Variants in IFT140 observed in about 807,000 individuals in gnomAD.
The protein encoded by IFT140 is intraflagellar transport 140.
A neutral mutation model predicts 164.6 loss-of-function variants in IFT140; 133 were observed. The observed-to-expected ratio is 0.81, with a 90% CI of 0.70 to 0.93. The LOEUF (loss-of-function observed/expected upper bound fraction) is 0.93, where lower values mean the gene tolerates loss of function less well. Among genes scored for constraint, IFT140 ranks in the 40% least tolerant of loss-of-function variants. The pLI, the probability that IFT140 is intolerant of heterozygous loss-of-function variation, is 0.00. For synonymous variants in IFT140, 860 were observed against 817.3 expected (o/e 1.05, Z -0.89); for missense variants, 2,045 against 1,972.3 (o/e 1.04, Z -0.70).
chr16:1,530,238 T>G (rs1052613101), intron 19 of IFT140, among the ~76,000 whole-genome samples: 1 of 150,270 alleles, frequency 6.7e-6, no homozygotes, highest in Admixed American at 6.7e-5. Context: ...TCCCGAGTGA[T>G]TCTCCTGCCT....
intron 18 of IFT140, among the ~76,000 whole-genome samples, chr16:1,558,598 C>T (rs1025342553): frequency 2.0e-5 from 3 of 152,214 alleles, no homozygotes; most frequent in Non-Finnish European, 2.9e-5. Context: ...CTCACCTGGG[C>T]ATCTTCTTAC....
At chr16:1,554,005 G>T (rs1596354617) in intron 19 of IFT140, 1 of 1,287,254 alleles carries the variant, frequency 7.8e-7, no homozygotes, top group South Asian at 1.2e-5. Flanking sequence ...ACCAAGGGTT[G>T]CTCACGGCCC....
intron 19 of IFT140, chr16:1,534,371 C>T (rs757809088): frequency 1.9e-6 from 3 of 1,612,810 alleles, no homozygotes; most frequent in Admixed American, 3.3e-5. Flanking sequence ...ACTGGGTGTG[C>T]CAGACGCTGG....
intron 19 of IFT140, chr16:1,534,534 G>T: frequency 6.2e-7 from 1 of 1,604,964 alleles, no homozygotes; most frequent in Non-Finnish European, 8.5e-7. Flanking sequence ...CGGCTTCCAG[G>T]AGTCCCGAGG....
intron 2 of IFT140, among the ~76,000 whole-genome samples, chr16:1,608,770 C>G (rs1321547434): frequency 1.3e-5 from 2 of 151,970 alleles, no homozygotes; most frequent in Non-Finnish European, 1.5e-5. Context: ...GGCTGGAGAG[C>G]AGTGGTGTGA....
chr16:1,596,795 G>A (rs1446513032), intron 4 of IFT140, among the ~76,000 whole-genome samples: 1 of 152,054 alleles, frequency 6.6e-6, no homozygotes, highest in Non-Finnish European at 1.5e-5. Context: ...CCTCACCCCT[G>A]ACTCTAGCAT....
Position 1,563,985 on chromosome 16 carries a change from G to T in IFT140, c.2067+12C>A. ...AGTGTGTCTAAACTCAAATACAACA[G>T]GCAGAGCGTACCGCAGGGCCAGCGC... On this transcript the variant is annotated intron_variant, in intron 17 of 30. Coordinates refer to ENST00000426508, the MANE Select transcript of IFT140 (RefSeq NM_014714.4). The T allele has an allele frequency of 6.4e-7, 1 of 1,555,852 alleles. No individual in the cohort carries two copies.
chr16:1,560,000 G>C (rs2033316870), intron 18 of IFT140, among the ~76,000 whole-genome samples: 1 of 152,196 alleles, frequency 6.6e-6, no homozygotes, highest in Non-Finnish European at 1.5e-5. Flanking sequence ...GTGTGTGCAA[G>C]ACACAAACGC....
chr16:1,586,826 C>A (rs138457054), intron 9 of IFT140, among the ~76,000 whole-genome samples: 3,450 of 152,204 alleles, frequency 0.023, 139 homozygotes, highest in African/African-American at 0.079. Flanking sequence ...CCCACCTCAG[C>A]CTCCTGAGTA....
intron 29 of IFT140, 66 bp from the exon 30 acceptor site, chr16:1,518,423 A>T: frequency 6.5e-7 from 1 of 1,528,604 alleles, no homozygotes; most frequent in Non-Finnish European, 8.8e-7. Context: ...CAGAGGTCAG[A>T]GGAGACTCTT....
intron 16 of IFT140, among the ~76,000 whole-genome samples, chr16:1,565,494 C>T (rs1258084652): frequency 6.6e-6 from 1 of 151,612 alleles, no homozygotes; most frequent in African/African-American, 2.4e-5. Flanking sequence ...TGATGGTGGT[C>T]AAGTAATGGA....
intron 19 of IFT140, among the ~76,000 whole-genome samples, chr16:1,539,929 A>G (rs2031468313): frequency 6.6e-6 from 1 of 152,150 alleles, no homozygotes; most frequent in African/African-American, 2.4e-5. Context: ...TGGAGGTCTC[A>G]GGGCTGGGGG....
intron 19 of IFT140, among the ~76,000 whole-genome samples, chr16:1,556,905 G>A (rs906427344): frequency 1.3e-5 from 2 of 152,176 alleles, no homozygotes; most frequent in African/African-American, 4.8e-5. Flanking sequence ...CACCTCCCGG[G>A]TTCAAGCAAT....
intron 30 of IFT140, among the ~76,000 whole-genome samples, chr16:1,512,655 A>G (rs867466288): frequency 6.6e-6 from 1 of 151,888 alleles, no homozygotes; most frequent in Middle Eastern, 3.4e-3. Flanking sequence ...AGAAATAGAA[A>G]CCCCGTTGGA....
chr16:1,582,839 G>T (rs530622999), intron 12 of IFT140, among the ~76,000 whole-genome samples: 1 of 152,344 alleles, frequency 6.6e-6, no homozygotes, highest in South Asian at 2.1e-4. Context: ...GGAGGCGGAG[G>T]GTGCAGTGAG....
intron 4 of IFT140, 116 bp from the exon 5 acceptor site, chr16:1,592,704 G>A: frequency 6.8e-7 from 1 of 1,461,374 alleles, no homozygotes; most frequent in Non-Finnish European, 9.2e-7. Context: ...CAGAGCGACT[G>A]GTGGAGGGAC....
rs904550022 is a variant in IFT140, at chr16:1,612,064, C to A, written c.-318G>T. ...CGTTTTCTTCTCACGTATCCGTCAA[C>A]ACTGCTGCGGCCAATCACAGCACGG... is the stretch of plus-strand genomic sequence containing the variant. On this transcript the variant is annotated 5_prime_UTR_variant, in exon 1 of 31. Transcript: ENST00000426508. 1 of 152,282 alleles carries A rather than the reference C, an allele frequency of 6.6e-6. No homozygotes were observed. Among genetic ancestry groups the A allele is most frequent in the Non-Finnish European group, 1.5e-5 (1 of 68,084 alleles). 9.4% of individuals were successfully genotyped at this position (152,282 alleles called of 1,614,324 possible).
chr16:1,529,432 C>T (rs2030197047), intron 19 of IFT140, among the ~76,000 whole-genome samples: 1 of 152,240 alleles, frequency 6.6e-6, no homozygotes, highest in African/African-American at 2.4e-5. Context: ...CTGGCAGCTT[C>T]CTGGACGCTC....
chr16:1,535,657 C>T (rs1374738610), intron 19 of IFT140, among the ~76,000 whole-genome samples: 1 of 152,184 alleles, frequency 6.6e-6, no homozygotes, highest in Non-Finnish European at 1.5e-5. Flanking sequence ...GAATGTCATC[C>T]CCACTTCACA....
Sources: gnomAD v4.1 joint callset for allele counts (sites outside exome capture counted in the v4.1 genomes callset) on GRCh38, gnomAD v4.1.1 for gene constraint, MANE v1.5 for transcripts, NCBI Gene and HGNC (gene_info 2026-07-23, HGNC 2026-07-21) for gene names.